Variants in ABCB1 observed in about 807,000 individuals in gnomAD.
The protein encoded by ABCB1 is ATP binding cassette subfamily B member 1.
A neutral mutation model predicts 142.0 loss-of-function variants in ABCB1; 69 were observed. That is an observed-to-expected ratio of 0.49 (90% CI 0.40 to 0.59). The LOEUF is 0.59. Among genes scored for constraint, ABCB1 ranks in the 20% least tolerant of loss-of-function variants. The probability of loss-of-function intolerance (pLI) is 0.00; values close to 1 mark genes in which losing one functional copy is unlikely to be tolerated. For synonymous variants in ABCB1, 532 were observed against 539.2 expected, an observed-to-expected ratio of 0.99 and a Z score of 0.18; for missense variants, 1,326 against 1,554.7, an observed-to-expected ratio of 0.85 and a Z score of 2.47.
At position 87,677,007 on chromosome 7, in the gene ABCB1, A is replaced by T. The variant is rs549452624; in HGVS notation, c.-331+36154T>A. Among the ~76,000 whole-genome samples the T allele has an allele frequency of 7.2e-4, 109 of 152,296 alleles. No homozygotes were observed. The Middle Eastern group carries it at 0.01, about 14-fold the overall frequency. On this transcript the variant is annotated intron_variant, in intron 1 of 28. Coordinates refer to the ABCB1 transcript ENST00000265724. ...GTTGGCAAGGATGTGGAGAAAAGGG[A>T]ACCTTCCTACTCTATTGGTGGGAAT...
chr7:87,541,575 G>C (rs1816539190), intron 17 of ABCB1, 111 bp from the exon 18 acceptor site: 2 of 787,548 alleles, frequency 2.5e-6, no homozygotes, highest in South Asian at 2.8e-5. Flanking sequence ...GCCTTAGTAC[G>C]CTGGAAATTG....
intron 1 of ABCB1, among the ~76,000 whole-genome samples, chr7:87,676,270 G>A (rs1383279771): frequency 6.6e-6 from 1 of 151,934 alleles, no homozygotes; most frequent in Non-Finnish European, 1.5e-5. Flanking sequence ...CAAAGCAAAG[G>A]AAACAATCCA....
chr7:87,603,050 C>T (rs1451165734), upstream of ABCB1: 3 of 152,216 alleles, frequency 2.0e-5, no homozygotes, highest in East Asian at 5.8e-4. Flanking sequence ...ACCTTCTTGT[C>T]CTCCGCTCTC....
chr7:87,591,467 G>A (rs938188169), intron 3 of ABCB1, among the ~76,000 whole-genome samples: 7 of 152,180 alleles, frequency 4.6e-5, no homozygotes, highest in African/African-American at 1.2e-4. Flanking sequence ...ACTGATACAC[G>A]TGTGTGTGTG....
At chr7:87,711,808 G>T (rs1830114972) in intron 1 of ABCB1, among the ~76,000 whole-genome samples, 1 of 152,068 alleles carries the variant, frequency 6.6e-6, no homozygotes, top group Non-Finnish European at 1.5e-5. Context: ...ATCACAGAAG[G>T]TTCTATTGGT....
At chr7:87,709,958 C>T (rs912688700) in intron 1 of ABCB1, among the ~76,000 whole-genome samples, 1 of 152,058 alleles carries the variant, frequency 6.6e-6, no homozygotes, top group African/African-American at 2.4e-5. Context: ...AATATGCTGG[C>T]TTCTGTTTTT....
Position 87,697,249 on chromosome 7 carries a change from A to C in ABCB1, c.-331+15912T>G, listed in dbSNP as rs28381732. ...TTGCCATTGGCTAATACAATGTTGT[A>C]TTTTCCCTTGCCTATTTCTCTGACT... On this transcript the variant is annotated intron_variant, in intron 1 of 28. Coordinates refer to the ABCB1 transcript ENST00000265724. Among the ~76,000 whole-genome samples the C allele has an allele frequency of 9.7e-4, 147 of 152,212 alleles. 2 individuals are homozygous for C. Among genetic ancestry groups the C allele is most frequent in the African/African-American group, 3.5e-3 (144 of 41,528 alleles).
chr7:87,579,206 C>G (rs186235551), intron 4 of ABCB1, among the ~76,000 whole-genome samples: 2 of 152,120 alleles, frequency 1.3e-5, no homozygotes, highest in African/African-American at 2.4e-5. Flanking sequence ...AATTCAGATG[C>G]CTTTTTTTTT....
chr7:87,520,008 G>T (rs556859568), intron 22 of ABCB1, among the ~76,000 whole-genome samples: 1 of 152,096 alleles, frequency 6.6e-6, no homozygotes, highest in Non-Finnish European at 1.5e-5. Flanking sequence ...TTCTTCGGGG[G>T]TCTCAGAGAA....
chr7:87,619,300 G>A (rs1584927071), intron 1 of ABCB1, among the ~76,000 whole-genome samples: 1 of 152,206 alleles, frequency 6.6e-6, no homozygotes, highest in African/African-American at 2.4e-5. Flanking sequence ...AGCACTTTGG[G>A]AGGCCAAGTG....
intron 7 of ABCB1, chr7:87,564,178 A>T: frequency 2.2e-6 from 1 of 450,954 alleles, no homozygotes; most frequent in Non-Finnish European, 4.4e-6. Context: ...AAGTTTTAAA[A>T]AGTTAAAATA....
At chr7:87,574,263 T>C (rs1264842451) in intron 4 of ABCB1, among the ~76,000 whole-genome samples, 1 of 152,074 alleles carries the variant, frequency 6.6e-6, no homozygotes, top group Admixed American at 6.6e-5. Flanking sequence ...CGAGAGAGCT[T>C]GACGGAATGC....
chr7:87,598,507 C>T (rs996953814), intron 2 of ABCB1, among the ~76,000 whole-genome samples: 3 of 152,134 alleles, frequency 2.0e-5, no homozygotes, highest in Non-Finnish European at 2.9e-5. Flanking sequence ...AATTAGTAAA[C>T]ATTCTGAAGA....
chr7:87,611,274 T>C (rs1819841223), intron 1 of ABCB1, among the ~76,000 whole-genome samples: 1 of 152,124 alleles, frequency 6.6e-6, no homozygotes, highest in South Asian at 2.1e-4. Context: ...CCTTGGAGCT[T>C]TTCTAGGCTT....
intron 1 of ABCB1, among the ~76,000 whole-genome samples, chr7:87,705,375 G>A (rs1381442459): frequency 9.2e-5 from 14 of 152,150 alleles, no homozygotes; most frequent in Admixed American, 5.2e-4. Context: ...GCAGTGAGCC[G>A]AGATCATGCC....
intron 1 of ABCB1, among the ~76,000 whole-genome samples, chr7:87,663,746 A>G (rs188715275): frequency 2.0e-5 from 3 of 152,170 alleles, no homozygotes; most frequent in African/African-American, 7.2e-5. Flanking sequence ...AGGCTTAAGT[A>G]ACAGAAATTT....
At chr7:87,526,123 G>A (rs953044646) in intron 21 of ABCB1, among the ~76,000 whole-genome samples, 2 of 150,648 alleles carry the variant, frequency 1.3e-5, no homozygotes, top group African/African-American at 4.9e-5. Flanking sequence ...TTGCTCTTGA[G>A]GTTCTCCAAA....
chr7:87,706,186 G>A (rs1829570980), intron 1 of ABCB1, among the ~76,000 whole-genome samples: 1 of 152,100 alleles, frequency 6.6e-6, no homozygotes, highest in Admixed American at 6.5e-5. Context: ...TAAATTTGCT[G>A]TGCAAATACT....
chr7:87,616,188 T>C (rs1221391762), intron 1 of ABCB1, among the ~76,000 whole-genome samples: 1 of 152,226 alleles, frequency 6.6e-6, no homozygotes, highest in Non-Finnish European at 1.5e-5. Flanking sequence ...CTCGGAATAA[T>C]AAGATATCTT....
Sources: gnomAD v4.1 joint callset for allele counts (sites outside exome capture counted in the v4.1 genomes callset) on GRCh38, gnomAD v4.1.1 for gene constraint, MANE v1.5 for transcripts, NCBI Gene and HGNC (gene_info 2026-07-23, HGNC 2026-07-21) for gene names.